BLTP1: variants seen among roughly 807,000 people sequenced by gnomAD.
The protein encoded by BLTP1 is bridge-like lipid transfer protein family member 1.
the BLTP1 span, among the ~76,000 whole-genome samples, chr4:122,210,425 A>G: frequency 6.6e-6 from 1 of 152,156 alleles, no homozygotes; most frequent in Non-Finnish European, 1.5e-5. Flanking sequence ...TTAGAGCCAA[A>G]TGATGATGTT....
At chr4:122,356,919 C>G in the BLTP1 span, 13 of 985,026 alleles carry the variant, frequency 1.3e-5, no homozygotes, top group Non-Finnish European at 1.6e-5. Context: ...TTTCTGAGTA[C>G]TTGCTATATA....
At chr4:122,292,473 T>C in the BLTP1 span, 40 of 848,544 alleles carry the variant, frequency 4.7e-5, no homozygotes, top group Non-Finnish European at 5.5e-5. Flanking sequence ...TCAGATATGT[T>C]AAAACATGTA....
chr4:122,307,587 T>TAAA, the BLTP1 span: 1 of 985,258 alleles, frequency 1.0e-6, no homozygotes, highest in South Asian at 4.7e-5. Context: ...TAAAGAATTT[T>TAAA]AAAAGAAGTA....
At chr4:122,324,664 A>G in the BLTP1 span, 3 of 633,290 alleles carry the variant, frequency 4.7e-6, no homozygotes, top group Middle Eastern at 4.2e-4. Context: ...TAAAATAGCA[A>G]TAACAGTGGA....
the BLTP1 span, among the ~76,000 whole-genome samples, chr4:122,219,791 CT>C: frequency 6.6e-5 from 10 of 152,102 alleles, no homozygotes; most frequent in Non-Finnish European, 1.5e-5. Context: ...TTAGCTCCTT[CT>C]TTGCTATATG....
the BLTP1 span, among the ~76,000 whole-genome samples, chr4:122,290,097 A>T: frequency 2.6e-5 from 4 of 152,190 alleles, no homozygotes; most frequent in African/African-American, 9.6e-5. Flanking sequence ...GAACTACATT[A>T]TGTAGCAGCT....
chr4:122,177,347 A>AC, the BLTP1 span, among the ~76,000 whole-genome samples: 1 of 151,944 alleles, frequency 6.6e-6, no homozygotes, highest in Non-Finnish European at 1.5e-5. Context: ...ATCATCTTCC[A>AC]CCTGTTTTAT....
At chr4:122,263,453 G>A in the BLTP1 span, 93 of 1,597,350 alleles carry the variant, frequency 5.8e-5, no homozygotes, top group African/African-American at 1.1e-3. Context: ...AAATACAGTA[G>A]CCACTGATAT....
At chr4:122,332,827 G>A in the BLTP1 span, among the ~76,000 whole-genome samples, 1 of 110,182 alleles carries the variant, frequency 9.1e-6, no homozygotes, top group South Asian at 3.3e-4. Context: ...TCCCCTTCCT[G>A]TGTCCATGTG....
At chr4:122,225,592 G>A in the BLTP1 span, 1 of 152,042 alleles carries the variant, frequency 6.6e-6, no homozygotes, top group Non-Finnish European at 1.5e-5. Flanking sequence ...TCGTCAGAGG[G>A]TAGCAAAAAT....
the BLTP1 span, among the ~76,000 whole-genome samples, chr4:122,158,561 A>G: frequency 6.6e-6 from 1 of 152,028 alleles, no homozygotes; most frequent in African/African-American, 2.4e-5. Flanking sequence ...AGGTCAGGAG[A>G]TTGAGACCAT....
At chr4:122,270,824 G>A in the BLTP1 span, 1 of 211,528 alleles carries the variant, frequency 4.7e-6, no homozygotes, top group Non-Finnish European at 8.2e-6. Flanking sequence ...TAAGTAAGAA[G>A]ACTTAAAGGC....
At chr4:122,207,514 CTTTTTTT>C in the BLTP1 span, 13 of 1,286,846 alleles carry the variant, frequency 1.0e-5, no homozygotes, top group Middle Eastern at 2.5e-4. Flanking sequence ...ACTTTTTCTT[CTTTTTTT>C]TTTTTTTTTT....
the BLTP1 span, among the ~76,000 whole-genome samples, chr4:122,312,013 A>G: frequency 1.3e-5 from 2 of 152,108 alleles, no homozygotes; most frequent in African/African-American, 4.8e-5. Flanking sequence ...CTATGAGTTT[A>G]TATATTCATC....
At chr4:122,319,915 C>T in the BLTP1 span, among the ~76,000 whole-genome samples, 1 of 152,006 alleles carries the variant, frequency 6.6e-6, no homozygotes. Flanking sequence ...GAAAGTTCCA[C>T]GTGAGCTTGA....
At chr4:122,287,765 A>G in the BLTP1 span, 3 of 932,454 alleles carry the variant, frequency 3.2e-6, no homozygotes, top group African/African-American at 3.6e-5. Context: ...ATTTCTGTGT[A>G]TGAAAAACAA....
At chr4:122,264,456 A>G in the BLTP1 span, 1 of 1,559,390 alleles carries the variant, frequency 6.4e-7, no homozygotes, top group Non-Finnish European at 8.7e-7. Context: ...TCCTAATTAT[A>G]ATAATACCTC....
At chr4:122,260,090 A>T in the BLTP1 span, 1 of 206,634 alleles carries the variant, frequency 4.8e-6, no homozygotes, top group Admixed American at 6.5e-5. Context: ...AACCTAGATG[A>T]TGGTACAGCC....
At chr4:122,244,009 T>A in the BLTP1 span, 1 of 1,595,182 alleles carries the variant, frequency 6.3e-7, no homozygotes, top group Non-Finnish European at 8.5e-7. Context: ...ACTCCCCTGG[T>A]GGCTGAAGCT....
Sources: allele counts gnomAD v4.1 joint callset (sites outside exome capture counted in the v4.1 genomes callset), GRCh38; gene constraint gnomAD v4.1.1; transcripts MANE v1.5; gene names NCBI Gene and HGNC (gene_info 2026-07-23, HGNC 2026-07-21).